The following SOX5 variants were observed in gnomAD, a reference collection of about 807,000 sequenced individuals.
SOX5 encodes the protein transcription factor SOX-5.
A neutral mutation model predicts 92.0 loss-of-function variants in SOX5; 9 were observed. The ratio of observed to expected loss-of-function variants is 0.10; its 90% CI spans 0.06 to 0.17. SOX5 has a LOEUF of 0.17. Among genes scored for constraint, SOX5 ranks in the 10% least tolerant of loss-of-function variants. The probability of loss-of-function intolerance (pLI) is 1.00; values close to 1 mark genes in which losing one functional copy is unlikely to be tolerated. For missense variants in SOX5, 642 were observed against 944.5 expected, an observed-to-expected ratio of 0.68 and a Z score of 4.20; for synonymous variants, 344 against 336.3, an observed-to-expected ratio of 1.02 and a Z score of -0.25.
intron 4 of SOX5, among the ~76,000 whole-genome samples, chr12:23,992,088 T>C (rs1030000733): frequency 3.9e-5 from 6 of 152,172 alleles, no homozygotes; most frequent in East Asian, 1.9e-4. Context: ...TCAGTATTGG[T>C]TGGGGCTTAT....
At chr12:23,540,299 T>TG (rs1941674318) in intron 13 of SOX5, among the ~76,000 whole-genome samples, 1 of 150,970 alleles carries the variant, frequency 6.6e-6, no homozygotes, top group Admixed American at 6.6e-5. Flanking sequence ...CACACCAGCA[T>TG]GGCACATGTA....
chr12:24,394,024 T>C (rs970691555), intron 1 of SOX5, among the ~76,000 whole-genome samples: 1 of 152,086 alleles, frequency 6.6e-6, no homozygotes, highest in Non-Finnish European at 1.5e-5. Context: ...GACCACACTA[T>C]TAATTAATTA....
chr12:23,801,508 T>A (rs577355010), intron 3 of SOX5, among the ~76,000 whole-genome samples: 1 of 152,286 alleles, frequency 6.6e-6, no homozygotes, highest in South Asian at 2.1e-4. Flanking sequence ...TCCATCTAAA[T>A]GATTTCCTTT....
intron 2 of SOX5, among the ~76,000 whole-genome samples, chr12:23,858,879 T>C (rs188944910): frequency 2.0e-5 from 3 of 152,324 alleles, no homozygotes; most frequent in African/African-American, 4.8e-5. Flanking sequence ...AATACTTTTA[T>C]AATTTCTTAT....
intron 4 of SOX5, among the ~76,000 whole-genome samples, chr12:24,177,518 T>G (rs1954955543): frequency 1.3e-5 from 2 of 152,210 alleles, no homozygotes; most frequent in African/African-American, 4.8e-5. Flanking sequence ...TCTATCTCCA[T>G]AATCGTCTCT....
chr12:23,731,292 G>A (rs1242637180), intron 6 of SOX5, among the ~76,000 whole-genome samples: 3 of 152,144 alleles, frequency 2.0e-5, no homozygotes, highest in Non-Finnish European at 2.9e-5. Context: ...GCTTGCAGAA[G>A]GCCTGTTGCA....
intron 8 of SOX5, among the ~76,000 whole-genome samples, chr12:23,625,954 T>G (rs2077729339): frequency 6.6e-6 from 1 of 151,984 alleles, no homozygotes; most frequent in Non-Finnish European, 1.5e-5. Context: ...GTTTCACAAT[T>G]GTGGGAGAAT....
At chr12:24,164,577 T>C (rs188767404) in intron 4 of SOX5, among the ~76,000 whole-genome samples, 110 of 152,206 alleles carry the variant, frequency 7.2e-4, no homozygotes, top group African/African-American at 2.5e-3. Context: ...TGTCCCTGAA[T>C]GGAAACAAGT....
intron 1 of SOX5, among the ~76,000 whole-genome samples, chr12:24,511,000 A>C (rs764839770): frequency 5.3e-5 from 8 of 152,164 alleles, no homozygotes; most frequent in Non-Finnish European, 1.2e-4. Flanking sequence ...TGCTTCACAT[A>C]TGAGTATCTT....
chr12:24,060,262 T>C (rs1251616576), intron 4 of SOX5, among the ~76,000 whole-genome samples: 1 of 152,214 alleles, frequency 6.6e-6, no homozygotes, highest in Non-Finnish European at 1.5e-5. Flanking sequence ...TCCCATTTTA[T>C]GGATAACAAA....
intron 4 of SOX5, among the ~76,000 whole-genome samples, chr12:23,994,423 A>T (rs960532609): frequency 6.6e-5 from 10 of 152,150 alleles, no homozygotes; most frequent in Non-Finnish European, 1.5e-4. Flanking sequence ...TTCCTCCAAC[A>T]TGTGTATGAA....
chr12:24,271,906 T>G (rs2140330601), intron 3 of SOX5, among the ~76,000 whole-genome samples: 1 of 152,236 alleles, frequency 6.6e-6, no homozygotes, highest in East Asian at 1.9e-4. Flanking sequence ...CCATTGCTCC[T>G]TTATAAAGAG....
intron 4 of SOX5, among the ~76,000 whole-genome samples, chr12:24,067,141 C>T (rs142032308): frequency 1.3e-5 from 2 of 152,262 alleles, no homozygotes; most frequent in East Asian, 3.9e-4. Context: ...TGTATTGCTG[C>T]CATTTGGTCA....
At chr12:23,874,073 G>C (rs1303585308) in intron 2 of SOX5, among the ~76,000 whole-genome samples, 1 of 152,016 alleles carries the variant, frequency 6.6e-6, no homozygotes, top group Non-Finnish European at 1.5e-5. Flanking sequence ...ATTCTCTTGT[G>C]TAATAAATCA....
At chr12:23,645,216 A>G (rs1179996028) in intron 7 of SOX5, among the ~76,000 whole-genome samples, 6 of 152,214 alleles carry the variant, frequency 3.9e-5, no homozygotes, top group African/African-American at 1.4e-4. Context: ...ACAGATGAAA[A>G]TAAGAGTGAG....
chr12:23,659,839 T>TGC (rs1469554155), intron 7 of SOX5, among the ~76,000 whole-genome samples: 105 of 152,106 alleles, frequency 6.9e-4, no homozygotes, highest in African/African-American at 2.4e-3. Context: ...TGGTGGTGCA[T>TGC]GCCTGTAGTC....
At chr12:23,667,133 G>A (rs1215326656) in intron 6 of SOX5, among the ~76,000 whole-genome samples, 1 of 151,980 alleles carries the variant, frequency 6.6e-6, no homozygotes, top group Non-Finnish European at 1.5e-5. Context: ...TGGTGGGGGC[G>A]GCAGAGAGAG....
At chr12:24,109,469 G>A (rs1433088037) in intron 4 of SOX5, among the ~76,000 whole-genome samples, 1 of 152,036 alleles carries the variant, frequency 6.6e-6, no homozygotes, top group Admixed American at 6.5e-5. Flanking sequence ...TTCCTAAAAA[G>A]GTAATTTAAC....
intron 3 of SOX5, among the ~76,000 whole-genome samples, chr12:23,797,040 C>T (rs1471594722): frequency 6.6e-6 from 1 of 151,114 alleles, no homozygotes; most frequent in Non-Finnish European, 1.5e-5. Flanking sequence ...AAACACGAGT[C>T]CATCTCCAAC....
Sources: allele counts gnomAD v4.1 joint callset (sites outside exome capture counted in the v4.1 genomes callset), GRCh38; gene constraint gnomAD v4.1.1; transcripts MANE v1.5; gene names NCBI Gene and HGNC (gene_info 2026-07-23, HGNC 2026-07-21).